Variants in ARPP21 observed in about 807,000 individuals in gnomAD.
ARPP21 encodes the protein cAMP-regulated phosphoprotein 21.
In ARPP21, 69 loss-of-function variants were observed where a neutral mutation model predicts 113.2. The ratio of observed to expected loss-of-function variants is 0.61; its 90% confidence interval spans 0.50 to 0.74. ARPP21 has a LOEUF of 0.74. ARPP21 is among the 30% of genes least tolerant of loss of function. ARPP21 has a pLI of 0.00. For missense variants in ARPP21, 1,070 were observed against 1,037.4 expected (o/e 1.03, Z -0.43); for synonymous variants, 368 against 375.5 (o/e 0.98, Z 0.23).
intron 9 of ARPP21, among the ~76,000 whole-genome samples, chr3:35,699,280 A>G (rs913526040): frequency 3.3e-5 from 5 of 151,758 alleles, no homozygotes; most frequent in South Asian, 2.1e-4. Context: ...CTCAATCTGC[A>G]TCTTTGCTTG....
At chr3:35,782,971 G>T (rs2096556717) in intron 19 of ARPP21, among the ~76,000 whole-genome samples, 1 of 151,844 alleles carries the variant, frequency 6.6e-6, no homozygotes, top group Admixed American at 6.6e-5. Flanking sequence ...CGGTTTGTTT[G>T]TTTTTTTAAC....
intron 19 of ARPP21, among the ~76,000 whole-genome samples, chr3:35,744,883 A>G (rs1267662391): frequency 1.3e-5 from 2 of 152,344 alleles, no homozygotes; most frequent in East Asian, 3.9e-4. Context: ...CCTATGAGAA[A>G]AGTGCAGTTC....
At chr3:35,665,599 G>T (rs985379026) in intron 1 of ARPP21, among the ~76,000 whole-genome samples, 1 of 152,090 alleles carries the variant, frequency 6.6e-6, no homozygotes, top group African/African-American at 2.4e-5. Context: ...GAGGTAAGAG[G>T]TTATATCAAA....
At chr3:35,792,629 T>G in intron 20 of ARPP21, 99 bp downstream of exon 20, 12 of 1,057,176 alleles carry the variant, frequency 1.1e-5, no homozygotes, top group Non-Finnish European at 1.8e-5. Flanking sequence ...GGCTGGGTAA[T>G]GCGTGCTTGG....
chr3:35,648,647 T>C (rs1217925662), intron 1 of ARPP21, among the ~76,000 whole-genome samples: 4 of 152,124 alleles, frequency 2.6e-5, no homozygotes, highest in South Asian at 2.1e-4. Context: ...TCTGTGAACA[T>C]GGCCAGAGGA....
intron 9 of ARPP21, among the ~76,000 whole-genome samples, chr3:35,695,624 G>T (rs2083695771): frequency 6.6e-6 from 1 of 151,454 alleles, no homozygotes; most frequent in Non-Finnish European, 1.5e-5. Context: ...GATTCATTGG[G>T]GACTACCTGC....
rs867723836 is a variant in ARPP21 at position 35,682,981 on chromosome 3, T to A, written c.171+92T>A. The A allele has an allele frequency of 4.4e-5, 56 of 1,265,852 alleles. No homozygotes were observed. The African/African-American group carries it at 7.3e-4, about 17-fold the overall frequency. 78.4% of individuals were successfully genotyped at this position (1,265,852 alleles called of 1,614,324 possible). ...TTAAAGGATTTGCCAGCATTTCAGATGATTGTGTCCAGATATTGTGGGGCA... is the reference window on the plus strand; with the variant it reads ...TTAAAGGATTTGCCAGCATTTCAGAAGATTGTGTCCAGATATTGTGGGGCA... On this transcript the variant is annotated intron_variant, in intron 4 of 20. Transcript: ENST00000684406.
intron 15 of ARPP21, among the ~76,000 whole-genome samples, chr3:35,736,758 G>T (rs758776148): frequency 1.3e-5 from 2 of 152,202 alleles, no homozygotes; most frequent in Non-Finnish European, 2.9e-5. Context: ...AATAACTTGT[G>T]ACTGAATGTA....
At chr3:35,741,326 T>C (rs540841781) in intron 18 of ARPP21, among the ~76,000 whole-genome samples, 29 of 152,290 alleles carry the variant, frequency 1.9e-4, no homozygotes, top group Non-Finnish European at 3.8e-4. Context: ...AGTCTAGACA[T>C]TTATGAACTT....
chr3:35,727,811 G>A (rs1345316236), intron 14 of ARPP21, among the ~76,000 whole-genome samples: 3 of 152,126 alleles, frequency 2.0e-5, no homozygotes, highest in Non-Finnish European at 4.4e-5. Flanking sequence ...GAAGAGCTGT[G>A]GTTAAGGGTA....
chr3:35,733,204 T>G (rs1347852380), intron 15 of ARPP21, among the ~76,000 whole-genome samples: 2 of 152,070 alleles, frequency 1.3e-5, no homozygotes, highest in Admixed American at 1.3e-4. Flanking sequence ...TTTGCTTTTT[T>G]TTTTTTCCTT....
chr3:35,726,163 G>A (rs1433259046), intron 14 of ARPP21, among the ~76,000 whole-genome samples: 1 of 152,182 alleles, frequency 6.6e-6, no homozygotes, highest in Non-Finnish European at 1.5e-5. Context: ...ATTTGTCATG[G>A]TTATCATTAA....
chr3:35,748,082 GAAAGAAAGAA>G (rs1173280064), intron 19 of ARPP21, among the ~76,000 whole-genome samples: 3 of 117,956 alleles, frequency 2.5e-5, no homozygotes, highest in Non-Finnish European at 5.3e-5. Context: ...AAGAAAGAAA[GAAAGAAAGAA>G]AGAAAGAAAG....
chr3:35,683,652 T>C (rs1489245173), intron 4 of ARPP21, 74 bp from the exon 5 acceptor site: 1 of 733,464 alleles, frequency 1.4e-6, no homozygotes, highest in Non-Finnish European at 2.5e-6. Context: ...GTGGAGATGA[T>C]TTGGCAGTCT....
At chr3:35,646,768 C>T (rs913565661) in intron 1 of ARPP21, among the ~76,000 whole-genome samples, 7 of 152,018 alleles carry the variant, frequency 4.6e-5, no homozygotes, top group South Asian at 4.1e-4. Flanking sequence ...TAACACTCTT[C>T]GATGACTTTG....
chr3:35,792,299 C>G, intron 19 of ARPP21, 83 bp from the exon 20 acceptor site: 1 of 1,257,252 alleles, frequency 8.0e-7, no homozygotes, highest in Non-Finnish European at 1.1e-6. Flanking sequence ...TGAAGGCTGC[C>G]TTTTGAACCA....
At position 35,729,495 on chromosome 3, in the gene ARPP21, C is replaced by T; in HGVS notation, c.1418C>T (p.Thr473Ile). 6.2e-7 allele frequency: 1 copy of T among 1,614,240 alleles called. No individual in the cohort carries two copies. The highest frequency in any genetic ancestry group is 8.5e-7 in the Non-Finnish European group (1 of 1,180,048). Residue 473 changes from threonine (T) to isoleucine (I), a missense_variant, in exon 15 of 21, where the codon ACA becomes ATA. Transcript: ENST00000684406. ...ATCCTCCTTCCACTTGAAGCTGCAA[C>T]AGGCATCCCGCCTGGAAGCATCCTT... is the stretch of plus-strand genomic sequence containing the variant. ...SYILLPLEAA[T>I]GIPPGSILLN...
Position 35,794,078 on chromosome 3 carries a change from G to T in ARPP21, c.*120G>T. ...ACTCAACACTCAAATGATTGCTGCT[G>T]GTATTCTGTAAAAAATAAACAAAGA... is the stretch of plus-strand genomic sequence containing the variant. On this transcript the variant is annotated 3_prime_UTR_variant, in exon 21 of 21. Coordinates refer to ENST00000684406, the MANE Select transcript of ARPP21 (RefSeq NM_001385562.1). 1 of 871,002 alleles carries T rather than the reference G, an allele frequency of 1.1e-6. No individual in the cohort carries two copies. The allele number at this position is 871,002 out of a possible 1,614,324, so 54.0% of individuals were successfully genotyped here.
chr3:35,664,199 G>C lies in ARPP21; in HGVS notation c.-212-15588G>C, dbSNP rs1486463048. ...TAATTGACACGTACATATTTATGGG[G>C]TATAATGTGGTATTTCAACACATGT... On this transcript the variant is annotated intron_variant, in intron 1 of 20. Coordinates refer to ENST00000684406, the MANE Select transcript of ARPP21 (RefSeq NM_001385562.1). 2.0e-5 allele frequency among the ~76,000 whole-genome samples: 3 copies of C among 152,198 alleles called. No individual in the cohort carries two copies. In the East Asian group the frequency reaches 5.8e-4, roughly 29 times the overall value.
Sources: allele counts gnomAD v4.1 joint callset (sites outside exome capture counted in the v4.1 genomes callset), GRCh38; gene constraint gnomAD v4.1.1; transcripts MANE v1.5; gene names NCBI Gene and HGNC (gene_info 2026-07-23, HGNC 2026-07-21).